STX6: variants seen among roughly 807,000 people sequenced by gnomAD.
The protein encoded by STX6 is syntaxin-6.
STX6 carries 23 observed loss-of-function variants against 38.0 expected under a neutral mutation model. The observed-to-expected ratio is 0.60, with a 90% CI of 0.43 to 0.86. STX6 has a LOEUF of 0.86. STX6 is among the 40% of genes least tolerant of loss of function. STX6 has a pLI of 0.00. For missense variants in STX6, 274 were observed against 312.9 expected, an observed-to-expected ratio of 0.88 and a Z score of 0.94; for synonymous variants, 123 against 107.5, an observed-to-expected ratio of 1.14 and a Z score of -0.89.
At chr1:181,009,990 T>A (rs909561153) in intron 1 of STX6, among the ~76,000 whole-genome samples, 1 of 152,226 alleles carries the variant, frequency 6.6e-6, no homozygotes, top group Non-Finnish European at 1.5e-5. Context: ...CCACGTACTA[T>A]ACGATTTCAC....
At chr1:181,016,777 C>T (rs930364607) in intron 1 of STX6, among the ~76,000 whole-genome samples, 24 of 152,172 alleles carry the variant, frequency 1.6e-4, no homozygotes, top group African/African-American at 5.8e-4. Flanking sequence ...AATCCACAGC[C>T]AAAAACCTGG....
Position 180,990,421 on chromosome 1 carries a change from T to A in STX6, c.364-312A>T, listed in dbSNP as rs547102119. ...TGTGTTATAATTGAAAAGCATTCAA[T>A]CTCTTGTAAAAGAGCTCTTCCTGGT... On this transcript the variant is annotated intron_variant, in intron 4 of 7. Coordinates refer to ENST00000258301, the MANE Select transcript of STX6 (RefSeq NM_005819.6). 1.1e-4 allele frequency among the ~76,000 whole-genome samples: 17 copies of A among 152,266 alleles called. No individual in the cohort carries two copies. The South Asian group carries it at 1.9e-3, about 17-fold the overall frequency.
At position 180,975,789 on chromosome 1, in the gene STX6, G is replaced by C. The variant is rs373631724; in HGVS notation, c.*781C>G. On this transcript the variant is annotated 3_prime_UTR_variant, in exon 8 of 8. Transcript: ENST00000258301. ...AGCCCTGGTACAGCAACATCAAGTC[G>C]GCAAGGATCAGGAGCTGACCTGTGG... 49 of 152,188 alleles carry C rather than the reference G, an allele frequency of 3.2e-4. No individual in the cohort carries two copies. The highest frequency in any genetic ancestry group is 1.1e-3 in the African/African-American group (47 of 41,438). 9.4% of individuals were successfully genotyped at this position (152,188 alleles called of 1,614,324 possible).
intron 1 of STX6, among the ~76,000 whole-genome samples, chr1:181,009,463 T>C (rs1309028036): frequency 2.2e-5 from 3 of 134,678 alleles, no homozygotes; most frequent in Admixed American, 1.5e-4. Context: ...AGCAAGACTG[T>C]TGTTTCCAAA....
chr1:181,019,414 C>T (rs1262866783), intron 1 of STX6, among the ~76,000 whole-genome samples: 2 of 150,040 alleles, frequency 1.3e-5, no homozygotes, highest in African/African-American at 4.9e-5. Flanking sequence ...GAAAGAGAGA[C>T]AGAGGAAGAG....
chr1:181,012,102 GGT>G (rs1656418387), intron 1 of STX6, among the ~76,000 whole-genome samples: 2 of 152,240 alleles, frequency 1.3e-5, no homozygotes, highest in African/African-American at 4.8e-5. Context: ...CCTTGAAGCA[GGT>G]ATACCTTGAA....
intron 7 of STX6, among the ~76,000 whole-genome samples, chr1:180,982,844 GAC>G (rs1291457080): frequency 1.3e-5 from 2 of 152,204 alleles, no homozygotes; most frequent in East Asian, 3.8e-4. Context: ...CTAAATGTGT[GAC>G]AGATGAACTA....
chr1:180,985,559 T>C (rs149413494), intron 6 of STX6, among the ~76,000 whole-genome samples: 7 of 152,352 alleles, frequency 4.6e-5, no homozygotes, highest in Non-Finnish European at 8.8e-5. Context: ...TGTCTGTGCA[T>C]GCACACGCGC....
intron 6 of STX6, chr1:180,987,976 C>T (rs375644858): frequency 2.6e-5 from 8 of 311,370 alleles, no homozygotes; most frequent in South Asian, 1.5e-4. Context: ...AACTATACTT[C>T]GAGTATCTGC....
At chr1:180,998,753 T>C (rs1655988189) in intron 3 of STX6, among the ~76,000 whole-genome samples, 2 of 152,250 alleles carry the variant, frequency 1.3e-5, no homozygotes, top group African/African-American at 4.8e-5. Flanking sequence ...CACCTTCATA[T>C]TGGAATTCGG....
intron 1 of STX6, among the ~76,000 whole-genome samples, chr1:181,009,557 A>G (rs954078891): frequency 4.6e-5 from 7 of 152,208 alleles, no homozygotes; most frequent in South Asian, 2.1e-4. Flanking sequence ...AAGATGCCCA[A>G]TATCATTAAT....
chr1:180,974,394 G>A lies in STX6; in HGVS notation c.*2176C>T, dbSNP rs972605482. 15 of 152,580 alleles carry A rather than the reference G, an allele frequency of 9.8e-5. No individual in the cohort carries two copies. Among genetic ancestry groups the A allele is most frequent in the East Asian group, 1.9e-4 (1 of 5,202 alleles). The allele number at this position is 152,580 out of a possible 1,614,324, so 9.5% of individuals were successfully genotyped here. A position where few individuals can be genotyped will look rare whatever the true frequency, so the allele number is the denominator to read the frequency against. On this transcript the variant is annotated 3_prime_UTR_variant, in exon 8 of 8. Coordinates refer to ENST00000258301, the MANE Select transcript of STX6 (RefSeq NM_005819.6). ...TAATTTAAATCAGTGAGGTAAGCAC[G>A]CCGATTTGAAATATATCCAAACATC...
rs1342794913 is a variant in STX6, at chr1:180,975,237, C to T, written c.*1333G>A. On this transcript the variant is annotated 3_prime_UTR_variant, in exon 8 of 8. Transcript: ENST00000258301. ...AAGGTGGTGAGGAGAGACCAGCAGCCTCCACCACCGAGTTCTGGCTCTGGG... is the reference window on the plus strand; with the variant it reads ...AAGGTGGTGAGGAGAGACCAGCAGCTTCCACCACCGAGTTCTGGCTCTGGG... 6.6e-6 allele frequency: 1 copy of T among 152,610 alleles called. No individual in the cohort carries two copies. Among genetic ancestry groups the T allele is most frequent in the Non-Finnish European group, 1.5e-5 (1 of 68,038 alleles). 9.5% of individuals were successfully genotyped at this position (152,610 alleles called of 1,614,324 possible). A position where few individuals can be genotyped will look rare whatever the true frequency, so the allele number is the denominator to read the frequency against.
intron 4 of STX6, among the ~76,000 whole-genome samples, chr1:180,992,697 T>G (rs1395984945): frequency 6.6e-6 from 1 of 152,244 alleles, no homozygotes; most frequent in East Asian, 1.9e-4. Context: ...GTCCAAATTC[T>G]AGATGATCAT....
intron 1 of STX6, among the ~76,000 whole-genome samples, chr1:181,014,216 T>G (rs1307843522): frequency 6.6e-6 from 1 of 151,710 alleles, no homozygotes; most frequent in Non-Finnish European, 1.5e-5. Context: ...GCCAATACAG[T>G]CAAACCGTCT....
intron 1 of STX6, among the ~76,000 whole-genome samples, chr1:181,018,874 T>C (rs1656645462): frequency 6.6e-6 from 1 of 152,224 alleles, no homozygotes; most frequent in African/African-American, 2.4e-5. Context: ...AGATTCTCCT[T>C]AGGCCAACAT....
In STX6 at chr1:180,976,310, C is replaced by T. The variant is rs1231845350; in HGVS notation, c.*260G>A. ...GAAGGCAAGGCAGCAGCTAGTTCTC[C>T]TCCGAACTGGACAGGCGGCATGGGG... is the stretch of plus-strand genomic sequence containing the variant. On this transcript the variant is annotated 3_prime_UTR_variant, in exon 8 of 8. Transcript: ENST00000258301. 9 of 451,460 alleles carry T rather than the reference C, an allele frequency of 2.0e-5. No homozygotes were observed. The highest frequency in any genetic ancestry group is 3.9e-5 in the African/African-American group (2 of 50,938). 28.0% of individuals were successfully genotyped at this position (451,460 alleles called of 1,614,324 possible).
chr1:180,988,554 C>G (rs934666487), intron 5 of STX6: 1 of 487,958 alleles, frequency 2.0e-6, no homozygotes, highest in African/African-American at 2.0e-5. Flanking sequence ...CCTGCTGATC[C>G]AACTTGTGAA....
intron 3 of STX6, 86 bp from the exon 4 acceptor site, chr1:180,993,511 A>G: frequency 1.5e-6 from 1 of 669,744 alleles, no homozygotes; most frequent in South Asian, 2.0e-5. Context: ...CAAAACACAC[A>G]ATTTATTATT....
Sources: gnomAD v4.1 joint callset for allele counts (sites outside exome capture counted in the v4.1 genomes callset) on GRCh38, gnomAD v4.1.1 for gene constraint, MANE v1.5 for transcripts, NCBI Gene and HGNC (gene_info 2026-07-23, HGNC 2026-07-21) for gene names.